The following RBFOX3 variants were observed in gnomAD, a reference collection of about 807,000 sequenced individuals.
RBFOX3 encodes RNA binding protein fox-1 homolog 3.
A neutral mutation model predicts 48.7 loss-of-function variants in RBFOX3; 17 were observed. The observed-to-expected ratio is 0.35, with a 90% confidence interval of 0.24 to 0.52. RBFOX3 has a LOEUF of 0.52. RBFOX3 is among the 20% of genes least tolerant of loss of function. The pLI, the probability that RBFOX3 is intolerant of heterozygous loss-of-function variation, is 0.94. For missense variants in RBFOX3, 382 were observed against 497.5 expected, an observed-to-expected ratio of 0.77 and a Z score of 2.21; for synonymous variants, 212 against 209.5, an observed-to-expected ratio of 1.01 and a Z score of -0.10.
At chr17:79,282,825 A>T (rs1195121895) in intron 3 of RBFOX3, among the ~76,000 whole-genome samples, 3 of 152,270 alleles carry the variant, frequency 2.0e-5, no homozygotes, top group African/African-American at 4.8e-5. Flanking sequence ...TCCTGGCCTG[A>T]TGGAGGCTGG....
chr17:79,572,455 G>A lies in RBFOX3; in HGVS notation c.-320+38371C>T, dbSNP rs1380060326. Among the ~76,000 whole-genome samples, 5 of 152,072 alleles carry A rather than the reference G, an allele frequency of 3.3e-5. No homozygotes were observed. In the East Asian group the frequency reaches 7.8e-4, roughly 24 times the overall value. On this transcript the variant is annotated intron_variant, in intron 1 of 14. Transcript: ENST00000693108. ...CACACCCATGGATGAAGCCGAGGCC[G>A]ATCCCACCCCTCTTGCCCCTTCTCC...
chr17:79,181,425 AG>A (rs1266624336), intron 4 of RBFOX3, among the ~76,000 whole-genome samples: 1 of 152,198 alleles, frequency 6.6e-6, no homozygotes, highest in Non-Finnish European at 1.5e-5. Context: ...CTGACCTCGG[AG>A]GCCTATCCTG....
chr17:79,412,251 T>G (rs1422781678), intron 2 of RBFOX3, among the ~76,000 whole-genome samples: 1 of 148,036 alleles, frequency 6.8e-6, no homozygotes, highest in African/African-American at 2.5e-5. Context: ...TATGTGTGAG[T>G]GTATGGTGTG....
At chr17:79,526,521 G>A (rs1167042388) in intron 1 of RBFOX3, among the ~76,000 whole-genome samples, 6 of 152,242 alleles carry the variant, frequency 3.9e-5, no homozygotes, top group African/African-American at 1.4e-4. Context: ...GTGGTCCCCG[G>A]ACGCACTCTT....
intron 1 of RBFOX3, among the ~76,000 whole-genome samples, chr17:79,545,146 A>G (rs1160712917): frequency 1.3e-5 from 2 of 152,154 alleles, no homozygotes; most frequent in Non-Finnish European, 2.9e-5. Flanking sequence ...CATCTTTGAT[A>G]TGGCTTATTT....
intron 2 of RBFOX3, among the ~76,000 whole-genome samples, chr17:79,422,899 C>T (rs1555723445): frequency 6.6e-6 from 1 of 152,162 alleles, no homozygotes; most frequent in Non-Finnish European, 1.5e-5. Context: ...TATGCACTCT[C>T]TCTTCCTCTC....
rs529221239 is a variant in RBFOX3 at position 79,204,327 on chromosome 17, G to A, written c.-34+31439C>T. Among the ~76,000 whole-genome samples the A allele has an allele frequency of 2.8e-3, 432 of 152,266 alleles. 2 individuals carry two copies. The highest frequency in any genetic ancestry group is 9.6e-3 in the African/African-American group (397 of 41,556). ...CGCCGGGGAGCGGGTACACACCAGCGGGTGCCGGGGAGCAGGGGGCGTAGG... is the reference window on the plus strand; with the variant it reads ...CGCCGGGGAGCGGGTACACACCAGCAGGTGCCGGGGAGCAGGGGGCGTAGG... On this transcript the variant is annotated intron_variant, in intron 4 of 14. Coordinates refer to ENST00000693108, the MANE Select transcript of RBFOX3 (RefSeq NM_001350451.2). This position sits in a 1 kb window ranked among gnomAD's most constrained non-coding sequence, Gnocchi z 4.5.
chr17:79,114,545 C>T (rs887131084), intron 5 of RBFOX3, among the ~76,000 whole-genome samples: 32 of 152,208 alleles, frequency 2.1e-4, no homozygotes, highest in African/African-American at 6.8e-4. Flanking sequence ...CTCCTATCTG[C>T]GTCCACGCAG....
chr17:79,316,633 C>T (rs745398139), intron 2 of RBFOX3, among the ~76,000 whole-genome samples: 1 of 152,230 alleles, frequency 6.6e-6, no homozygotes, highest in Non-Finnish European at 1.5e-5. Context: ...GCCACCACGG[C>T]CCCAGACCCC....
intron 2 of RBFOX3, among the ~76,000 whole-genome samples, chr17:79,447,104 G>A (rs1356294608): frequency 2.6e-5 from 4 of 152,346 alleles, no homozygotes; most frequent in Non-Finnish European, 4.4e-5. Flanking sequence ...AAGCTTGGAC[G>A]TGCAGTCCCT....
chr17:79,202,071 C>G (rs1420766588), intron 4 of RBFOX3, among the ~76,000 whole-genome samples: 1 of 152,130 alleles, frequency 6.6e-6, no homozygotes, highest in African/African-American at 2.4e-5. Context: ...CAGTCATTAC[C>G]AGGAGAATGA....
rs142099815 is a variant in RBFOX3, at chr17:79,095,047, T to A, written c.998+466A>T. On this transcript the variant is annotated intron_variant, in intron 13 of 14. Transcript: ENST00000693108. Reference sequence around the variant, plus strand: ...AGAGCAGAGCTGGGCCACGGCACCCTGTACACCACACTTCAGGGAGATGGA... The same window carrying A: ...AGAGCAGAGCTGGGCCACGGCACCCAGTACACCACACTTCAGGGAGATGGA... 6.1e-3 allele frequency among the ~76,000 whole-genome samples: 929 copies of A among 152,152 alleles called. 2 individuals are homozygous for A. Among genetic ancestry groups the A allele is most frequent in the Middle Eastern group, 0.01 (3 of 294 alleles).
At position 79,481,802 on chromosome 17, in the gene RBFOX3, A is replaced by G. The variant is rs969774192; in HGVS notation, c.-175+652T>C. 1.1e-4 allele frequency among the ~76,000 whole-genome samples: 16 copies of G among 152,300 alleles called. No individual in the cohort carries two copies. The highest frequency in any genetic ancestry group is 3.4e-3 in the Middle Eastern group (1 of 294). Reference sequence around the variant, plus strand: ...CTTTTTTGTTGCTGTCGTTCTGTGAACTGTAGCAAATTATCAAAACTGAGG... The same window carrying G: ...CTTTTTTGTTGCTGTCGTTCTGTGAGCTGTAGCAAATTATCAAAACTGAGG... On this transcript the variant is annotated intron_variant, in intron 2 of 14. Transcript: ENST00000693108. This position sits in a 1 kb window ranked among gnomAD's most constrained non-coding sequence, Gnocchi z 5.4.
At chr17:79,598,980 G>A (rs1416587218) in intron 1 of RBFOX3, 2 of 152,106 alleles carry the variant, frequency 1.3e-5, no homozygotes, top group African/African-American at 2.4e-5. Context: ...TTGAGCCAGT[G>A]TGGCCCCTCC....
Position 79,389,108 on chromosome 17 carries a change from G to A in RBFOX3, c.-174-81284C>T, listed in dbSNP as rs545968513. Among the ~76,000 whole-genome samples, 18 of 151,814 alleles carry A rather than the reference G, an allele frequency of 1.2e-4. No individual in the cohort carries two copies. The South Asian group carries it at 1.9e-3, about 16-fold the overall frequency. ...GACGAAGCGGTGGGCGCGGGGGGGC[G>A]GTGTGGCAAGCACCGCGTCACAGGG... On this transcript the variant is annotated intron_variant, in intron 2 of 14. Transcript: ENST00000693108.
chr17:79,449,203 T>G (rs1177269544), intron 2 of RBFOX3, among the ~76,000 whole-genome samples: 1 of 151,998 alleles, frequency 6.6e-6, no homozygotes, highest in Non-Finnish European at 1.5e-5. Context: ...GCACTGTGTG[T>G]TTTTTTCAGC....
chr17:79,199,256 C>T lies in RBFOX3; in HGVS notation c.-34+36510G>A, dbSNP rs946587358. 1.9e-4 allele frequency among the ~76,000 whole-genome samples: 29 copies of T among 152,170 alleles called. No homozygotes were observed. Among genetic ancestry groups the T allele is most frequent in the Admixed American group, 1.8e-3 (28 of 15,278 alleles). On this transcript the variant is annotated intron_variant, in intron 4 of 14. Coordinates refer to ENST00000693108, the MANE Select transcript of RBFOX3 (RefSeq NM_001350451.2). The surrounding 1 kb of genome is among the most constrained non-coding windows in gnomAD (Gnocchi z 5.1). ...AAAGACCTCCCTAGCCCCCCACCCT[C>T]GGCAGCACCACCCACCAGCCCCTTC...
At position 79,242,877 on chromosome 17, in the gene RBFOX3, C is replaced by T. The variant is rs1005075613; in HGVS notation, c.-73-7072G>A. On this transcript the variant is annotated intron_variant, in intron 3 of 14. Transcript: ENST00000693108. The surrounding 1 kb of genome is among the most constrained non-coding windows in gnomAD (Gnocchi z 5.8). ...GCTCCACAGCAACCTGCCTGGAGTC[C>T]CACCTTCAAGGTCCTTCTAGGCACT... 6.6e-6 allele frequency among the ~76,000 whole-genome samples: 1 copy of T among 152,146 alleles called. No homozygotes were observed. Among genetic ancestry groups the T allele is most frequent in the African/African-American group, 2.4e-5 (1 of 41,426 alleles).
intron 1 of RBFOX3, among the ~76,000 whole-genome samples, chr17:79,515,228 T>C (rs2085078716): frequency 6.6e-6 from 1 of 152,210 alleles, no homozygotes; most frequent in Admixed American, 6.5e-5. Context: ...CCTGCTCTGG[T>C]GAAGCCCTGT....
Sources: allele counts gnomAD v4.1 joint callset (sites outside exome capture counted in the v4.1 genomes callset), GRCh38; gene constraint gnomAD v4.1.1; non-coding constraint Gnocchi (gnomAD v3.1); transcripts MANE v1.5; gene names NCBI Gene and HGNC (gene_info 2026-07-23, HGNC 2026-07-21).